Variants in ERICH1 observed in about 807,000 individuals in gnomAD.
ERICH1 encodes the protein glutamate-rich protein 1.
A neutral mutation model predicts 39.6 loss-of-function variants in ERICH1; 56 were observed. The observed-to-expected ratio is 1.41, with a 90% CI of 1.14 to 1.77. ERICH1 has a LOEUF of 1.77. ERICH1 is among the 40% of genes most tolerant of loss of function. The pLI, the probability that ERICH1 is intolerant of heterozygous loss-of-function variation, is 0.00. For missense variants in ERICH1, 826 were observed against 575.4 expected, an observed-to-expected ratio of 1.44 and a Z score of -4.45; for synonymous variants, 313 against 223.6, an observed-to-expected ratio of 1.40 and a Z score of -3.57.
At chr8:680,810 C>T (rs73177099) in intron 3 of ERICH1, among the ~76,000 whole-genome samples, 2,348 of 152,322 alleles carry the variant, frequency 0.015, 20 homozygotes, top group Non-Finnish European at 0.023. Flanking sequence ...TGTGAGAGAG[C>T]CCAGATCGCC....
chr8:626,096 C>T (rs1419789446), intron 3 of ERICH1: 1 of 152,240 alleles, frequency 6.6e-6, no homozygotes, highest in Non-Finnish European at 1.5e-5. Context: ...CACACCCTCC[C>T]TGGCCTTCTG....
chr8:672,923 A>G (rs974552898), intron 4 of ERICH1, among the ~76,000 whole-genome samples: 1 of 152,226 alleles, frequency 6.6e-6, no homozygotes. Flanking sequence ...ATCTGGATTT[A>G]TCTCTTGTTT....
chr8:689,432 T>C (rs114237992), intron 3 of ERICH1, among the ~76,000 whole-genome samples: 1,621 of 152,318 alleles, frequency 0.011, 23 homozygotes, highest in African/African-American at 0.038. Context: ...CTTGACTTGA[T>C]GTAAGGTAAG....
intron 3 of ERICH1, chr8:615,466 T>A: frequency 2.1e-6 from 1 of 477,342 alleles, no homozygotes; most frequent in Non-Finnish European, 3.6e-6. Context: ...GTGCCTGGGG[T>A]GGCTGTCATC....
intron 3 of ERICH1, among the ~76,000 whole-genome samples, chr8:620,382 AAAT>A (rs1797208645): frequency 6.6e-6 from 1 of 152,198 alleles, no homozygotes; most frequent in Non-Finnish European, 1.5e-5. Flanking sequence ...TAATCAATAA[AAAT>A]AATATTTAAA....
chr8:669,614 C>A (rs1446433530), intron 4 of ERICH1, among the ~76,000 whole-genome samples: 2 of 152,214 alleles, frequency 1.3e-5, no homozygotes, highest in African/African-American at 4.8e-5. Context: ...CCCGTCTACA[C>A]CTCTGTCTGG....
chr8:673,419 C>T lies in ERICH1; in HGVS notation c.933G>A (p.Glu311=), dbSNP rs1323057412. Residue 311 remains glutamate, a synonymous_variant, in exon 4 of 6, where the codon GAG becomes GAA. Coordinates refer to ENST00000262109, the MANE Select transcript of ERICH1 (RefSeq NM_207332.3). ...CCTCCCCGGAGTCTGCACCCTCTTC[C>T]TCCCCAGCCCATGTCGGGTCTTCCT... ...ASEEDPTWAG[E]EEGADSGEED... The T allele has an allele frequency of 1.9e-6, 3 of 1,614,014 alleles. No individual in the cohort carries two copies. In the South Asian group the frequency reaches 3.3e-5, roughly 18 times the overall value.
At chr8:723,138 C>G (rs898471182) in intron 1 of ERICH1, among the ~76,000 whole-genome samples, 5 of 152,180 alleles carry the variant, frequency 3.3e-5, no homozygotes, top group African/African-American at 1.2e-4. Context: ...TCCACCTTCT[C>G]CCGCTCTCCC....
At chr8:655,672 CTT>C (rs1800555276) in intron 3 of ERICH1, among the ~76,000 whole-genome samples, 4 of 75,178 alleles carry the variant, frequency 5.3e-5, no homozygotes, top group African/African-American at 2.5e-4. Context: ...TCCTTCCTTC[CTT>C]CCTTCCTTCC....
At chr8:691,861 T>C (rs1808976829) in intron 3 of ERICH1, among the ~76,000 whole-genome samples, 1 of 152,190 alleles carries the variant, frequency 6.6e-6, no homozygotes, top group East Asian at 1.9e-4. Flanking sequence ...TAAATTCCTC[T>C]TGTGCACCTT....
At chr8:687,445 C>T (rs1275261545) in intron 3 of ERICH1, among the ~76,000 whole-genome samples, 1 of 152,260 alleles carries the variant, frequency 6.6e-6, no homozygotes, top group Non-Finnish European at 1.5e-5. Flanking sequence ...TTGCAATAAG[C>T]CCAGACGGTC....
At chr8:721,625 C>T (rs925461093) in intron 1 of ERICH1, among the ~76,000 whole-genome samples, 2 of 152,182 alleles carry the variant, frequency 1.3e-5, no homozygotes, top group African/African-American at 4.8e-5. Context: ...TTCTTGGAAC[C>T]GTCAGAGGAA....
intron 2 of ERICH1, among the ~76,000 whole-genome samples, chr8:712,210 G>T (rs1165430338): frequency 1.3e-5 from 2 of 152,132 alleles, no homozygotes; most frequent in Non-Finnish European, 2.9e-5. Flanking sequence ...AATCAGGATT[G>T]TATTGAATGT....
intron 1 of ERICH1, among the ~76,000 whole-genome samples, chr8:727,027 CACAT>C (rs1818921864): frequency 1.3e-5 from 2 of 149,468 alleles, no homozygotes; most frequent in Middle Eastern, 3.5e-3. Context: ...TGCATGCACA[CACAT>C]ACACCACTCA....
chr8:716,125 A>C, intron 1 of ERICH1, 118 bp from the exon 2 acceptor site: 1 of 1,278,090 alleles, frequency 7.8e-7, no homozygotes, highest in South Asian at 1.7e-5. Context: ...ACCAACGGAG[A>C]CCCAAGTCCC....
chr8:693,116 AACAC>A (rs1022958961), intron 2 of ERICH1, among the ~76,000 whole-genome samples: 91 of 152,018 alleles, frequency 6.0e-4, no homozygotes, highest in African/African-American at 2.2e-3. Flanking sequence ...ACATCCACAA[AACAC>A]ACAGAGACAC....
intron 5 of ERICH1, chr8:666,158 C>T (rs1473341793): frequency 6.6e-6 from 1 of 152,140 alleles, no homozygotes; most frequent in East Asian, 1.9e-4. Flanking sequence ...CAAAACCTGT[C>T]TGATGATTTT....
intron 2 of ERICH1, among the ~76,000 whole-genome samples, chr8:708,681 G>GTTTTTTTTTTT (rs139731216): frequency 0.01 from 678 of 65,372 alleles, 87 homozygotes; most frequent in East Asian, 0.013. Flanking sequence ...GGGATAATGA[G>GTTTTTTTTTTT]TTTTTTTTTT....
intron 3 of ERICH1, among the ~76,000 whole-genome samples, chr8:643,513 G>A (rs1650517329): frequency 6.6e-6 from 1 of 151,866 alleles, no homozygotes; most frequent in Non-Finnish European, 1.5e-5. Context: ...CCCGTGCAGG[G>A]CCCTGGGCCG....
Sources: allele counts gnomAD v4.1 joint callset (sites outside exome capture counted in the v4.1 genomes callset), GRCh38; gene constraint gnomAD v4.1.1; transcripts MANE v1.5; gene names NCBI Gene and HGNC (gene_info 2026-07-23, HGNC 2026-07-21).